Variants in ZNF85 observed in about 807,000 individuals in gnomAD.
ZNF85 encodes zinc finger protein 85 (HPF4, HTF1).
Under a neutral mutation model 53.9 loss-of-function variants are expected in ZNF85, and 50 were observed. The ratio of observed to expected loss-of-function variants is 0.93; its 90% confidence interval spans 0.74 to 1.17. The LOEUF is 1.17. Ranked by LOEUF, ZNF85 falls within the 50% of genes most tolerant of loss-of-function variation. The pLI is 0.00. For missense variants in ZNF85, 747 were observed against 688.5 expected, an observed-to-expected ratio of 1.08 and a Z score of -0.95; for synonymous variants, 225 against 226.1, an observed-to-expected ratio of 1.00 and a Z score of 0.04.
In ZNF85 at chr19:20,934,998, A is replaced by G; in HGVS notation, c.180A>G (p.Lys60=). Residue 60 remains lysine, a synonymous_variant, in exon 3 of 4, where the codon AAA becomes AAG. Transcript: ENST00000328178. ...PDLITCLEQG[K]EAWSMKRHEI... ...TGATCACTTGTCTGGAGCAAGGGAA[A>G]GAGGCCTGGAGTATGAAGAGACATG... 1 of 1,611,528 alleles carries G rather than the reference A, an allele frequency of 6.2e-7. No individual in the cohort carries two copies. The highest frequency in any genetic ancestry group is 8.5e-7 in the Non-Finnish European group (1 of 1,178,780).
rs911935799 is a variant in ZNF85, at chr19:20,949,104, C to T, written c.590C>T (p.Thr197Ile). The T allele has an allele frequency of 6.2e-7, 1 of 1,613,538 alleles. No homozygotes were observed. Among genetic ancestry groups the T allele is most frequent in the South Asian group, 1.1e-5 (1 of 91,018 alleles). The change falls in exon 4 of 4, where the codon ACT (threonine) becomes ATT (isoleucine). Residue 197 changes from threonine (T) to isoleucine (I), a missense_variant. By Grantham distance (89) the Thr-to-Ile change is moderately conservative (BLOSUM62 -1). Transcript: ENST00000328178. ...SCLTEHSRIH[T>I]RVNFYKCEEC... ...CTAACTGAACATAGCAGAATTCATA[C>T]TAGAGTAAATTTCTACAAATGTGAA... is the stretch of plus-strand genomic sequence containing the variant.
At chr19:20,947,850 A>G (rs1322260326) in intron 3 of ZNF85, among the ~76,000 whole-genome samples, 1 of 151,192 alleles carries the variant, frequency 6.6e-6, no homozygotes, top group Non-Finnish European at 1.5e-5. Flanking sequence ...CTAATTTTCA[A>G]TTGTTGTCTG....
At chr19:20,939,939 C>T (rs113194741) in intron 3 of ZNF85, among the ~76,000 whole-genome samples, 1,807 of 152,038 alleles carry the variant, frequency 0.012, 33 homozygotes, top group African/African-American at 0.034. Context: ...TCAGGTGATC[C>T]GCCCACCTCA....
chr19:20,930,199 A>G (rs1049143298), intron 1 of ZNF85, among the ~76,000 whole-genome samples: 21 of 151,814 alleles, frequency 1.4e-4, no homozygotes, highest in African/African-American at 4.8e-4. Flanking sequence ...CATGCTCACA[A>G]TTTCCTTAAA....
Position 20,949,951 on chromosome 19 carries a change from GAA to G in ZNF85, c.1439_1440del (p.Lys480ThrfsTer5), listed in dbSNP as rs1168990717. ...TRHKKSHTEE[K>X]PYKCEECGKG... ...GACATAAGAAAAGTCATACAGAAGA[GAA>G]ACCTTACAAATGTGAAGAATGTGGC... is the stretch of plus-strand genomic sequence containing the variant. On this transcript the variant is annotated frameshift_variant, in exon 4 of 4. Coordinates refer to ENST00000328178, the MANE Select transcript of ZNF85 (RefSeq NM_003429.5). LOFTEE classifies it high-confidence loss of function. The G allele has an allele frequency of 6.2e-7, 1 of 1,611,820 alleles. No homozygotes were observed. Among genetic ancestry groups the G allele is most frequent in the Admixed American group, 1.7e-5 (1 of 59,858 alleles).
chr19:20,938,388 C>A (rs1973208858), intron 3 of ZNF85, among the ~76,000 whole-genome samples: 1 of 152,098 alleles, frequency 6.6e-6, no homozygotes, highest in South Asian at 2.1e-4. Context: ...GAAATCCTGG[C>A]CTGAAGCAAT....
rs201972139 is a variant in ZNF85, at chr19:20,924,805, T to TA, written c.3+1409dup. On this transcript the variant is annotated intron_variant, in intron 1 of 3. Transcript: ENST00000328178. ...AATAATAATCCCTGACACCATATTG[T>TA]AAAAAAATCTCTGTGTCTCTTTTCC... Among the ~76,000 whole-genome samples the TA allele has an allele frequency of 4.1e-3, 625 of 152,310 alleles. 1 individual carries two copies. Among genetic ancestry groups the TA allele is most frequent in the African/African-American group, 0.014 (577 of 41,556 alleles).
At chr19:20,943,507 T>G (rs912125609) in intron 3 of ZNF85, 8 of 152,256 alleles carry the variant, frequency 5.3e-5, no homozygotes, top group Non-Finnish European at 8.8e-5. Context: ...CAGAGGCAGA[T>G]GCCGGCACAC....
chr19:20,924,014 G>A lies in ZNF85; in HGVS notation c.3+611G>A, dbSNP rs375744289. ...GCAGGAGAATCGCTTGAACCCGGGAGGCGGAGGTTGCAGTGAGCCTACATC... is the reference window on the plus strand; with the variant it reads ...GCAGGAGAATCGCTTGAACCCGGGAAGCGGAGGTTGCAGTGAGCCTACATC... On this transcript the variant is annotated intron_variant, in intron 1 of 3. Transcript: ENST00000328178. Among the ~76,000 whole-genome samples the A allele has an allele frequency of 2.0e-5, 3 of 151,802 alleles. No individual in the cohort carries two copies. The South Asian group carries it at 6.2e-4, about 32-fold the overall frequency.
In ZNF85 at chr19:20,933,955, TTA is replaced by T. The variant is rs1568547942; in HGVS notation, c.4-67_4-66del. On this transcript the variant is annotated intron_variant, in intron 1 of 3. Transcript: ENST00000328178. ...AATGCTTTTCATAACCAGTTGGTAA[TTA>T]TGTGTGTGTGTGTGTGTGTGTGTGT... 56 of 1,304,244 alleles carry T rather than the reference TTA, an allele frequency of 4.3e-5. No individual in the cohort carries two copies. The East Asian group carries it at 1.2e-3, about 28-fold the overall frequency. 80.8% of individuals were successfully genotyped at this position (1,304,244 alleles called of 1,614,324 possible). A position where few individuals can be genotyped will look rare whatever the true frequency, so the allele number is the denominator to read the frequency against.
intron 3 of ZNF85, among the ~76,000 whole-genome samples, chr19:20,935,298 T>C (rs1973131088): frequency 6.6e-6 from 1 of 152,244 alleles, no homozygotes; most frequent in Non-Finnish European, 1.5e-5. Context: ...AAAGTCCTCT[T>C]CGTGGCATAT....
intron 3 of ZNF85, among the ~76,000 whole-genome samples, chr19:20,939,102 G>T (rs1057008076): frequency 6.6e-6 from 1 of 152,100 alleles, no homozygotes; most frequent in Non-Finnish European, 1.5e-5. Context: ...GCCTGCCAAT[G>T]ATTCAAAGTA....
chr19:20,931,620 C>CTTTTTTTTTTT (rs1156835317), intron 1 of ZNF85, among the ~76,000 whole-genome samples: 10 of 119,440 alleles, frequency 8.4e-5, no homozygotes, highest in Non-Finnish European at 1.2e-4. Flanking sequence ...TTTTCTTTTT[C>CTTTTTTTTTTT]TTTTTTTTTT....
intron 3 of ZNF85, among the ~76,000 whole-genome samples, chr19:20,945,983 A>G (rs993833125): frequency 1.3e-5 from 2 of 150,240 alleles, no homozygotes; most frequent in Non-Finnish European, 3.0e-5. Context: ...ACTTATACCA[A>G]GTTGTTTTAA....
At chr19:20,937,689 G>A (rs1459050829) in intron 3 of ZNF85, among the ~76,000 whole-genome samples, 6 of 152,156 alleles carry the variant, frequency 3.9e-5, no homozygotes, top group Non-Finnish European at 8.8e-5. Flanking sequence ...GGGTTTCTGT[G>A]TAGGCAGAAC....
chr19:20,932,460 AC>A (rs1973045637), intron 1 of ZNF85, among the ~76,000 whole-genome samples: 1 of 152,152 alleles, frequency 6.6e-6, no homozygotes, highest in Admixed American at 6.5e-5. Flanking sequence ...CAGAATTCCT[AC>A]CACAAATTTA....
At chr19:20,927,180 G>C (rs1427639782) in intron 1 of ZNF85, 1 of 152,116 alleles carries the variant, frequency 6.6e-6, no homozygotes, top group South Asian at 2.1e-4. Context: ...ATTTCTGTGC[G>C]TGGTGGCTCA....
chr19:20,925,778 A>G (rs765339252), intron 1 of ZNF85, among the ~76,000 whole-genome samples: 5 of 152,198 alleles, frequency 3.3e-5, no homozygotes, highest in Non-Finnish European at 7.3e-5. Flanking sequence ...GGTCAGACAC[A>G]TCTCTTTTCT....
chr19:20,929,188 C>CT (rs71174768), intron 1 of ZNF85, among the ~76,000 whole-genome samples: 12,742 of 138,384 alleles, frequency 0.092, 698 homozygotes, highest in Non-Finnish European at 0.12. Context: ...CTGATCTCTT[C>CT]TTTTTTTTTT....
Sources: allele counts gnomAD v4.1 joint callset (sites outside exome capture counted in the v4.1 genomes callset), GRCh38; gene constraint gnomAD v4.1.1; transcripts MANE v1.5; gene names NCBI Gene and HGNC (gene_info 2026-07-23, HGNC 2026-07-21).